Variants in DACH2 observed in about 807,000 individuals in gnomAD.
DACH2 encodes the protein dachshund family transcription factor 2.
DACH2 carries 17 observed loss-of-function variants against 35.8 expected under a neutral mutation model. The observed-to-expected ratio is 0.48, with a 90% CI of 0.33 to 0.71. The LOEUF (loss-of-function observed/expected upper bound fraction) is 0.71, where lower values mean the gene tolerates loss of function less well. DACH2 is among the 30% of genes least tolerant of loss of function. The pLI is 0.02. For missense variants in DACH2, 469 were observed against 472.7 expected, an observed-to-expected ratio of 0.99 and a Z score of 0.07; for synonymous variants, 195 against 177.3, an observed-to-expected ratio of 1.10 and a Z score of -0.79.
At chrX:86,554,434 TCAGATAGAAAGTTCTACAGATTTTTTA>T (rs2148314815) in intron 3 of DACH2, among the ~76,000 whole-genome samples, 1 of 111,921 alleles carries the variant, frequency 8.9e-6, no homozygotes, top group East Asian at 2.8e-4. Context: ...AAACAATATA[TCAGATAGAAAGTTCTACAGATTTTTTA>T]CACAGGGGCA....
intron 6 of DACH2, among the ~76,000 whole-genome samples, chrX:86,736,457 G>A (rs2041597342): frequency 8.9e-6 from 1 of 111,803 alleles, no homozygotes; most frequent in South Asian, 3.6e-4. Context: ...TAAATTATTG[G>A]AGTTTATATC....
chrX:86,173,798 T>A (rs1424850088), intron 1 of DACH2, among the ~76,000 whole-genome samples: 1 of 112,180 alleles, frequency 8.9e-6, no homozygotes, highest in Non-Finnish European at 1.9e-5. Context: ...AGGATTGCTC[T>A]GGCTAGGTTG....
chrX:86,403,960 G>T, intron 2 of DACH2, among the ~76,000 whole-genome samples: 1 of 110,073 alleles, frequency 9.1e-6, no homozygotes, highest in East Asian at 2.9e-4. Flanking sequence ...AAGGAGAAGT[G>T]CAGAGCAAAG....
chrX:86,197,075 C>T (rs186397566), intron 1 of DACH2, among the ~76,000 whole-genome samples: 86 of 111,850 alleles, frequency 7.7e-4, no homozygotes, highest in African/African-American at 2.7e-3. Context: ...AGCTGAAAAC[C>T]GACAAACCAG....
Position 86,376,810 on chromosome X carries a change from C to T in DACH2, c.489-14C>T, listed in dbSNP as rs773362803. The T allele has an allele frequency of 9.2e-7, 1 of 1,087,822 alleles. No homozygotes were observed. The highest frequency in any genetic ancestry group is 2.0e-5 in the South Asian group (1 of 50,388). The allele number at this position is 1,087,822 out of a possible 1,213,427, so 89.6% of individuals were successfully genotyped here. A position where few individuals can be genotyped will look rare whatever the true frequency, so the allele number is the denominator to read the frequency against. On this transcript the variant is annotated splice_polypyrimidine_tract_variant and intron_variant, in intron 1 of 11. Transcript: ENST00000373125. ...AGTTTTATTTATTTATTTTCTGCTA[C>T]ACTCTCCTTTTAGAAGGAAGAGGCA...
intron 7 of DACH2, among the ~76,000 whole-genome samples, chrX:86,783,158 T>C (rs1167829372): frequency 4.5e-5 from 5 of 111,740 alleles, no homozygotes; most frequent in Non-Finnish European, 7.5e-5. Context: ...AACAGACACA[T>C]GAAAAAGTTC....
At chrX:86,348,707 T>C (rs769065128) in intron 1 of DACH2, among the ~76,000 whole-genome samples, 20 of 112,755 alleles carry the variant, frequency 1.8e-4, no homozygotes, top group Non-Finnish European at 3.0e-4. Flanking sequence ...ACATAACTTA[T>C]GTTAACTTCT....
chrX:86,285,935 T>G (rs6623616), intron 1 of DACH2, among the ~76,000 whole-genome samples: 47,900 of 109,041 alleles, frequency 0.44, 8,085 homozygotes, highest in East Asian at 0.54. Context: ...GTCTCATAGT[T>G]TTTTTTCTTG....
chrX:86,253,670 G>A (rs1330813986), intron 1 of DACH2, among the ~76,000 whole-genome samples: 1 of 111,467 alleles, frequency 9.0e-6, no homozygotes, highest in East Asian at 2.8e-4. Context: ...AGAAGAATGT[G>A]TTATTTGTGT....
intron 2 of DACH2, among the ~76,000 whole-genome samples, chrX:86,396,645 G>A (rs1420540289): frequency 5.4e-5 from 6 of 110,095 alleles, no homozygotes; most frequent in South Asian, 3.9e-4. Context: ...TTAAATAGGG[G>A]ATCCTTTCCC....
chrX:86,424,103 G>T (rs1427211266), intron 2 of DACH2, among the ~76,000 whole-genome samples: 1 of 110,529 alleles, frequency 9.0e-6, no homozygotes, highest in Non-Finnish European at 1.9e-5. Context: ...AGTATAGTTT[G>T]CAGTCAGGTA....
chrX:86,575,953 T>C (rs760654104), intron 3 of DACH2, among the ~76,000 whole-genome samples: 157 of 112,350 alleles, frequency 1.4e-3, no homozygotes, highest in African/African-American at 4.8e-3. Context: ...ACTGGTTACA[T>C]ATATGCATGT....
intron 2 of DACH2, among the ~76,000 whole-genome samples, chrX:86,386,669 C>T (rs2036127420): frequency 1.8e-5 from 2 of 111,293 alleles, no homozygotes; most frequent in African/African-American, 3.3e-5. Context: ...TCAGCTTTGG[C>T]CATTGGGAAC....
chrX:86,644,719 A>G (rs2040394022), intron 3 of DACH2, among the ~76,000 whole-genome samples: 2 of 111,486 alleles, frequency 1.8e-5, no homozygotes, highest in African/African-American at 3.3e-5. Context: ...AAACAGGTGC[A>G]TAGACCAATG....
intron 1 of DACH2, among the ~76,000 whole-genome samples, chrX:86,183,387 T>C (rs1192231525): frequency 8.9e-6 from 1 of 111,969 alleles, no homozygotes; most frequent in Non-Finnish European, 1.9e-5. Context: ...AGCATGACAG[T>C]GTGTTGAATT....
intron 1 of DACH2, among the ~76,000 whole-genome samples, chrX:86,358,756 T>C (rs145061664): frequency 1.3e-4 from 15 of 111,501 alleles, no homozygotes; most frequent in Middle Eastern, 4.6e-3. Flanking sequence ...GTCTCAGTTT[T>C]GCAAGTGACT....
chrX:86,627,081 T>G (rs1411547033), intron 3 of DACH2, among the ~76,000 whole-genome samples: 1 of 112,539 alleles, frequency 8.9e-6, no homozygotes, highest in Admixed American at 9.4e-5. Context: ...CTTTTGAACA[T>G]AAGTTCCAAT....
At chrX:86,321,179 C>T (rs781104507) in intron 1 of DACH2, among the ~76,000 whole-genome samples, 2 of 111,456 alleles carry the variant, frequency 1.8e-5, no homozygotes, top group African/African-American at 3.3e-5. Flanking sequence ...GGTCTTAGTG[C>T]CTTCCTGAGA....
chrX:86,400,206 T>C (rs2036395849), intron 2 of DACH2, among the ~76,000 whole-genome samples: 1 of 112,100 alleles, frequency 8.9e-6, no homozygotes, highest in African/African-American at 3.2e-5. Flanking sequence ...ATCACGTAAT[T>C]CTCATGCCGT....
Sources: allele counts gnomAD v4.1 joint callset (sites outside exome capture counted in the v4.1 genomes callset), GRCh38; gene constraint gnomAD v4.1.1; transcripts MANE v1.5; gene names NCBI Gene and HGNC (gene_info 2026-07-23, HGNC 2026-07-21).